Variants in FHIP1B observed in about 807,000 individuals in gnomAD.
FHIP1B encodes FHF complex subunit HOOK interacting protein 1B, also known as FHF complex subunit HOOK-interacting protein 1B.
In FHIP1B, 28 loss-of-function variants were observed where a neutral mutation model predicts 82.2. That is an observed-to-expected ratio of 0.34 (90% CI 0.25 to 0.47). The LOEUF (loss-of-function observed/expected upper bound fraction) is 0.47. Among genes scored for constraint, FHIP1B ranks in the 20% least tolerant of loss-of-function variants. The pLI is 1.00. For missense variants in FHIP1B, 1,110 were observed against 1,262.6 expected (o/e 0.88, Z 1.83); for synonymous variants, 585 against 516.1 (o/e 1.13, Z -1.81).
chr11:6,214,992 G>A (rs1847185839), intron 9 of FHIP1B, 81 bp from the exon 10 acceptor site: 3 of 1,312,476 alleles, frequency 2.3e-6, no homozygotes, highest in Non-Finnish European at 3.0e-6. Flanking sequence ...CAAAACAAGA[G>A]ACCCCCACCA....
chr11:6,218,457 C>G, intron 8 of FHIP1B, 143 bp downstream of exon 8: 1 of 1,294,844 alleles, frequency 7.7e-7, no homozygotes, highest in Non-Finnish European at 1.1e-6. Context: ...CTGCAAGACA[C>G]CCTCATCAAC....
In FHIP1B at chr11:6,224,459, G is replaced by A. The variant is rs748498007; in HGVS notation, c.58C>T (p.Pro20Ser). ...LASRGPGHRI[P>S]QGANLQTPVM... ...GGGGTTTGGAGATTGGCCCCTTGAG[G>A]TATACGGTGCCCAGGGCCCCGGGAG... The change falls in exon 2 of 12, where the codon CCT (proline) becomes TCT (serine). Residue 20 changes from proline (P) to serine (S), a missense_variant. By Grantham distance (74) the Pro-to-Ser change is moderately conservative (BLOSUM62 -1). This residue lies in a region of FHIP1B where 467 missense variants were observed against 602.9 expected (regional missense o/e 0.77). Transcript: ENST00000449352. The A allele has an allele frequency of 2.5e-6, 4 of 1,613,822 alleles. No homozygotes were observed. The African/African-American group carries it at 4.0e-5, about 16-fold the overall frequency.
At chr11:6,230,366 T>C (rs1437525023) in intron 1 of FHIP1B, among the ~76,000 whole-genome samples, 1 of 152,148 alleles carries the variant, frequency 6.6e-6, no homozygotes, top group Non-Finnish European at 1.5e-5. Context: ...GACTAATTAC[T>C]GACATAAGGA....
At chr11:6,214,943 C>A in intron 9 of FHIP1B, 32 bp from the exon 10 acceptor site, 1 of 1,522,004 alleles carries the variant, frequency 6.6e-7, no homozygotes. Context: ...CACAAGGATA[C>A]AAAGCCTGAA....
At chr11:6,226,764 A>T (rs1016052853) in intron 1 of FHIP1B, among the ~76,000 whole-genome samples, 1 of 152,236 alleles carries the variant, frequency 6.6e-6, no homozygotes, top group Non-Finnish European at 1.5e-5. Flanking sequence ...TATGCTAAGG[A>T]GTTTAGCTTT....
chr11:6,227,283 A>G (rs1296572565), intron 1 of FHIP1B, among the ~76,000 whole-genome samples: 3 of 152,246 alleles, frequency 2.0e-5, no homozygotes, highest in Non-Finnish European at 2.9e-5. Flanking sequence ...CACATTTTAC[A>G]TAGGAGGAAA....
At chr11:6,225,913 C>T (rs1379036177) in intron 1 of FHIP1B, among the ~76,000 whole-genome samples, 1 of 152,180 alleles carries the variant, frequency 6.6e-6, no homozygotes, top group Non-Finnish European at 1.5e-5. Context: ...ACAACCCAAA[C>T]TCGCTCCCAA....
In FHIP1B at chr11:6,218,045, G is replaced by C; in HGVS notation, c.1541C>G (p.Ser514Cys). 6.2e-7 allele frequency: 1 copy of C among 1,613,592 alleles called. No homozygotes were observed. Among genetic ancestry groups the C allele is most frequent in the South Asian group, 1.1e-5 (1 of 91,046 alleles). Reference sequence around the variant, plus strand: ...GCAAGGGGCTGGGCCTGGAGACTCAGAGCCACCCAGGCTCTGCTGCCGCAG... The same window carrying C: ...GCAAGGGGCTGGGCCTGGAGACTCACAGCCACCCAGGCTCTGCTGCCGCAG... ...LFLRQQSLGGSESPGPAPCSP... is the reference protein window; with the variant it reads ...LFLRQQSLGGCESPGPAPCSP... Residue 514 changes from serine (S) to cysteine (C), a missense_variant, in exon 9 of 12, where the codon TCT (serine) becomes TGT (cysteine). Physicochemically the swap from Ser to Cys is moderately radical, Grantham distance 112 (BLOSUM62 -1). Transcript: ENST00000449352.
rs752939614 is a variant in FHIP1B, at chr11:6,217,878, G to A, written c.1708C>T (p.Arg570Cys). 1.6e-5 allele frequency: 26 copies of A among 1,613,366 alleles called. 1 individual carries two copies. The highest frequency in any genetic ancestry group is 1.6e-4 in the Middle Eastern group (1 of 6,084). The change falls in exon 9 of 12, where the codon CGT (arginine) becomes TGT (cysteine). Residue 570 changes from arginine to cysteine, a missense_variant. Transcript: ENST00000449352. ...CCATCATAGGGGGCAGACCAGGTAC[G>A]GCAGGCTCGGACACAGCGGTCCACA... ...RGVDRCVRACRTWSAPYDGER... is the reference protein window; with the variant it reads ...RGVDRCVRACCTWSAPYDGER...
In FHIP1B at chr11:6,222,888, G is replaced by C. The variant is rs1847452723; in HGVS notation, c.946C>G (p.Pro316Ala). The C allele has an allele frequency of 1.9e-6, 3 of 1,613,944 alleles. No individual in the cohort carries two copies. The highest frequency in any genetic ancestry group is 2.7e-5 in the African/African-American group (2 of 74,886). The change falls in exon 5 of 12, where the codon CCC (proline) becomes GCC (alanine). Residue 316 changes from proline (P) to alanine (A), a missense_variant. This residue lies in a region of FHIP1B where 467 missense variants were observed against 602.9 expected (regional missense o/e 0.77). Transcript: ENST00000449352. ...TCAACCAACTGCTTCTGCACCAGGG[G>C]GTGAGCCACCTGTAGGAGTGCCAGA... The part of the protein sequence containing the change: ...FCNAVIQVAH[P>A]LVQKQLVDYI...
At position 6,222,851 on chromosome 11, in the gene FHIP1B, T is replaced by C; in HGVS notation, c.983A>G (p.Asn328Ser). 6.2e-7 allele frequency: 1 copy of C among 1,614,034 alleles called. No individual in the cohort carries two copies. Among genetic ancestry groups the C allele is most frequent in the Non-Finnish European group, 8.5e-7 (1 of 1,180,004 alleles). ...VQKQLVDYIH[N>S]GFLVPVMGPA... ...ACCCATGACAGGCACCAGGAACCCA[T>C]TATGGATATAATCAACCAACTGCTT... Residue 328 changes from asparagine (N) to serine (S), a missense_variant, in exon 5 of 12, where the codon AAT (asparagine) becomes AGT (serine). Asn to Ser is a conservative substitution (Grantham distance 46). Transcript: ENST00000449352.
intron 6 of FHIP1B, among the ~76,000 whole-genome samples, chr11:6,219,783 G>A (rs1847354801): frequency 6.6e-6 from 1 of 152,204 alleles, no homozygotes; most frequent in Non-Finnish European, 1.5e-5. Flanking sequence ...TACAGCAAGT[G>A]TGTCAGACAC....
chr11:6,217,712 TC>T lies in FHIP1B; in HGVS notation c.1873del (p.Glu625ArgfsTer37). 1 of 1,610,916 alleles carries T rather than the reference TC, an allele frequency of 6.2e-7. No homozygotes were observed. The highest frequency in any genetic ancestry group is 8.5e-7 in the Non-Finnish European group (1 of 1,178,450). On this transcript the variant is annotated frameshift_variant, in exon 9 of 12. Coordinates refer to ENST00000449352, the MANE Select transcript of FHIP1B (RefSeq NM_001098794.2). LOFTEE classifies it high-confidence loss of function. ...GRRGRAGGAG[E>X]GPGHLPPPQL... The stretch of plus-strand genomic sequence containing the variant: ...GGGAGGGGGCAGGTGACCAGGGCCC[TC>T]CCCTGCACCCCCAGCCCGCCCCCTC...
intron 5 of FHIP1B, 96 bp from the exon 6 acceptor site, chr11:6,222,705 G>A (rs1381594148): frequency 1.3e-6 from 2 of 1,560,746 alleles, no homozygotes; most frequent in East Asian, 2.2e-5. Flanking sequence ...GAGCAGACAG[G>A]GCAAAAGGGA....
At chr11:6,226,841 T>C (rs1459115395) in intron 1 of FHIP1B, among the ~76,000 whole-genome samples, 22 of 152,164 alleles carry the variant, frequency 1.4e-4, no homozygotes, top group Admixed American at 1.4e-3. Flanking sequence ...AGATTGTCCT[T>C]CAAAAATACA....
Position 6,222,822 on chromosome 11 carries a change from C to A in FHIP1B, c.1012G>T (p.Ala338Ser), listed in dbSNP as rs1847450780. 5 of 1,614,108 alleles carry A rather than the reference C, an allele frequency of 3.1e-6. No individual in the cohort carries two copies. The highest frequency in any genetic ancestry group is 4.2e-6 in the Non-Finnish European group (5 of 1,179,988). The change falls in exon 5 of 12, where the codon GCC (alanine) becomes TCC (serine). Residue 338 changes from alanine (A) to serine (S), a missense_variant. By Grantham distance (99) the Ala-to-Ser change is moderately conservative. Transcript: ENST00000449352. The stretch of plus-strand genomic sequence containing the variant: ...CCCATGACTCTCACCTTGTGCAAGG[C>A]AGGACCCATGACAGGCACCAGGAAC... ...NGFLVPVMGP[A>S]LHKTSVEEMI...
Position 6,217,713 on chromosome 11 carries a change from C to T in FHIP1B, c.1873G>A (p.Glu625Lys). 2 of 1,609,854 alleles carry T rather than the reference C, an allele frequency of 1.2e-6. No homozygotes were observed. The highest frequency in any genetic ancestry group is 1.3e-5 in the African/African-American group (1 of 74,858). ...GRRGRAGGAG[E>K]GPGHLPPPQL... ...GGAGGGGGCAGGTGACCAGGGCCCT[C>T]CCCTGCACCCCCAGCCCGCCCCCTC... is the stretch of plus-strand genomic sequence containing the variant. Residue 625 changes from glutamate to lysine, a missense_variant, in exon 9 of 12, where the codon GAG becomes AAG. By Grantham distance (56) the Glu-to-Lys change is moderately conservative. Coordinates refer to ENST00000449352, the MANE Select transcript of FHIP1B (RefSeq NM_001098794.2).
intron 10 of FHIP1B, 79 bp downstream of exon 10, chr11:6,214,654 G>C: frequency 6.5e-7 from 1 of 1,550,192 alleles, no homozygotes; most frequent in Non-Finnish European, 8.7e-7. Context: ...CCTGTTCCCA[G>C]CCCACCCAGG....
At chr11:6,215,015 T>G in intron 9 of FHIP1B, 104 bp from the exon 10 acceptor site, 1 of 1,144,944 alleles carries the variant, frequency 8.7e-7, no homozygotes, top group East Asian at 2.8e-5. Context: ...TGAAAAGTAT[T>G]TGTATGTCAG....
Sources: gnomAD v4.1 joint callset for allele counts (sites outside exome capture counted in the v4.1 genomes callset) on GRCh38, gnomAD v4.1.1 for gene constraint, gnomAD v4.1.1 regional missense constraint, MANE v1.5 for transcripts, NCBI Gene and HGNC (gene_info 2026-07-23, HGNC 2026-07-21) for gene names.